The following LRRTM4 variants were observed in gnomAD, a reference collection of about 807,000 sequenced individuals.
LRRTM4 encodes leucine-rich repeat transmembrane neuronal protein 4.
A neutral mutation model predicts 47.6 loss-of-function variants in LRRTM4; 25 were observed. That is an observed-to-expected ratio of 0.53 (90% confidence interval 0.38 to 0.73). The LOEUF (loss-of-function observed/expected upper bound fraction) is 0.73. Among genes scored for constraint, LRRTM4 ranks in the 30% least tolerant of loss-of-function variants. LRRTM4 has a pLI of 0.00. For synonymous variants in LRRTM4, 311 were observed against 269.5 expected, an observed-to-expected ratio of 1.15 and a Z score of -1.51; for missense variants, 638 against 713.4, an observed-to-expected ratio of 0.89 and a Z score of 1.20.
rs189963192 is a variant in LRRTM4 at position 76,801,699 on chromosome 2, G to A, written c.1552-52783C>T. On this transcript the variant is annotated intron_variant, in intron 3 of 3. Transcript: ENST00000409884. ...AGAAAAGTACAGGTTAACATCCCTGGTGAACATGTATGAAAAATCCTCAGC... is the reference window on the plus strand; with the variant it reads ...AGAAAAGTACAGGTTAACATCCCTGATGAACATGTATGAAAAATCCTCAGC... Among the ~76,000 whole-genome samples the A allele has an allele frequency of 1.1e-3, 174 of 151,980 alleles. 1 individual carries two copies. Among genetic ancestry groups the A allele is most frequent in the African/African-American group, 3.8e-3 (157 of 41,482 alleles).
intron 3 of LRRTM4, among the ~76,000 whole-genome samples, chr2:77,002,067 C>G (rs539217848): frequency 1.3e-5 from 2 of 152,142 alleles, no homozygotes; most frequent in African/African-American, 4.8e-5. Context: ...ACATTTTACT[C>G]TCTTAGAATC....
chr2:77,389,724 G>A (rs911089071), intron 3 of LRRTM4, among the ~76,000 whole-genome samples: 6 of 151,952 alleles, frequency 3.9e-5, no homozygotes, highest in African/African-American at 1.4e-4. Flanking sequence ...GCTAAGAGAT[G>A]CCTCCCACCC....
At chr2:77,100,568 T>C (rs1670926549) in intron 3 of LRRTM4, among the ~76,000 whole-genome samples, 1 of 151,918 alleles carries the variant, frequency 6.6e-6, no homozygotes, top group Non-Finnish European at 1.5e-5. Context: ...CTTTAAAAAA[T>C]AAAAGGTAGG....
chr2:76,972,412 C>CT (rs397869502), intron 3 of LRRTM4, among the ~76,000 whole-genome samples: 6,145 of 95,234 alleles, frequency 0.065, 369 homozygotes, highest in Middle Eastern at 0.13. Context: ...TCATTGAACA[C>CT]TTTTTTTTTT....
At chr2:77,022,180 C>A (rs1461718256) in intron 3 of LRRTM4, among the ~76,000 whole-genome samples, 1 of 152,090 alleles carries the variant, frequency 6.6e-6, no homozygotes, top group African/African-American at 2.4e-5. Context: ...AAAGAGAAAA[C>A]CCCTGATAAA....
chr2:76,862,881 T>C (rs1015499756), intron 3 of LRRTM4, among the ~76,000 whole-genome samples: 4 of 152,240 alleles, frequency 2.6e-5, no homozygotes, highest in African/African-American at 9.6e-5. Flanking sequence ...ATTCTTATTT[T>C]TGCAGAAAAT....
intron 3 of LRRTM4, among the ~76,000 whole-genome samples, chr2:77,187,177 T>G (rs1005410129): frequency 6.6e-6 from 1 of 152,112 alleles, no homozygotes; most frequent in African/African-American, 2.4e-5. Context: ...GATGTTTGGA[T>G]AAAAGCCCCA....
intron 3 of LRRTM4, among the ~76,000 whole-genome samples, chr2:77,146,419 T>A (rs1400626112): frequency 6.6e-6 from 1 of 152,156 alleles, no homozygotes; most frequent in Non-Finnish European, 1.5e-5. Flanking sequence ...ACTAGAAATA[T>A]GATACTAGGT....
intron 3 of LRRTM4, among the ~76,000 whole-genome samples, chr2:76,808,061 C>T (rs1228282117): frequency 6.6e-6 from 1 of 150,642 alleles, no homozygotes; most frequent in Non-Finnish European, 1.5e-5. Context: ...TCTTGTTGCC[C>T]AGGCTGGAGT....
chr2:77,343,575 T>C (rs1294734081), intron 3 of LRRTM4, among the ~76,000 whole-genome samples: 1 of 151,820 alleles, frequency 6.6e-6, no homozygotes, highest in East Asian at 1.9e-4. Context: ...AAAAAATATT[T>C]TTAAAAGGCA....
At chr2:77,356,370 G>A (rs1474873850) in intron 3 of LRRTM4, among the ~76,000 whole-genome samples, 3 of 152,070 alleles carry the variant, frequency 2.0e-5, no homozygotes, top group African/African-American at 7.2e-5. Flanking sequence ...AAAGGCATAA[G>A]TAACTCAATG....
intron 3 of LRRTM4, among the ~76,000 whole-genome samples, chr2:76,990,885 C>A (rs991457467): frequency 1.3e-5 from 2 of 151,546 alleles, no homozygotes; most frequent in African/African-American, 2.4e-5. Flanking sequence ...GTAAGATTGA[C>A]CACATGCTTG....
At chr2:76,749,275 G>A (rs1353345697) in intron 3 of LRRTM4, among the ~76,000 whole-genome samples, 3 of 151,812 alleles carry the variant, frequency 2.0e-5, no homozygotes, top group Non-Finnish European at 4.4e-5. Flanking sequence ...TATAGGGGAG[G>A]ATCTATCTGT....
intron 3 of LRRTM4, among the ~76,000 whole-genome samples, chr2:76,997,198 A>T (rs905077580): frequency 6.6e-6 from 1 of 152,128 alleles, no homozygotes; most frequent in Non-Finnish European, 1.5e-5. Flanking sequence ...ATGGGCTTCA[A>T]ATATTTATAT....
At chr2:77,428,858 G>A (rs1014259878) in intron 3 of LRRTM4, among the ~76,000 whole-genome samples, 79 of 152,228 alleles carry the variant, frequency 5.2e-4, no homozygotes, top group African/African-American at 1.8e-3. Flanking sequence ...TGAATTCATC[G>A]GTATGTCCCA....
chr2:76,835,015 A>C (rs1671468759), intron 3 of LRRTM4, among the ~76,000 whole-genome samples: 1 of 152,096 alleles, frequency 6.6e-6, no homozygotes, highest in Non-Finnish European at 1.5e-5. Flanking sequence ...GATCATCCCC[A>C]TGGTAATATC....
chr2:77,224,323 C>T (rs1383545031), intron 3 of LRRTM4, among the ~76,000 whole-genome samples: 1 of 152,090 alleles, frequency 6.6e-6, no homozygotes, highest in Non-Finnish European at 1.5e-5. Context: ...GTCTAAAACA[C>T]CAGAAGCAAT....
chr2:76,972,672 G>T (rs982481475), intron 3 of LRRTM4, among the ~76,000 whole-genome samples: 3 of 151,762 alleles, frequency 2.0e-5, no homozygotes, highest in African/African-American at 7.3e-5. Context: ...TGCCCACCTC[G>T]GCCTCCCAAA....
intron 3 of LRRTM4, among the ~76,000 whole-genome samples, chr2:76,815,586 G>C (rs1046479094): frequency 6.6e-6 from 1 of 152,056 alleles, no homozygotes; most frequent in Non-Finnish European, 1.5e-5. Flanking sequence ...CATAGTTGTA[G>C]TAATAATAAT....
Sources: gnomAD v4.1 joint callset for allele counts (sites outside exome capture counted in the v4.1 genomes callset) on GRCh38, gnomAD v4.1.1 for gene constraint, MANE v1.5 for transcripts, NCBI Gene and HGNC (gene_info 2026-07-23, HGNC 2026-07-21) for gene names.